The following SMG1 variants were observed in gnomAD, a reference collection of about 807,000 sequenced individuals.
The protein encoded by SMG1 is SMG1 nonsense mediated mRNA decay associated PI3K related kinase.
SMG1 carries 22 observed loss-of-function variants against 419.9 expected under a neutral mutation model. The ratio of observed to expected loss-of-function variants is 0.05; its 90% CI spans 0.04 to 0.07. The LOEUF (loss-of-function observed/expected upper bound fraction) is 0.07. Among genes scored for constraint, SMG1 ranks in the 10% least tolerant of loss-of-function variants. The pLI is 1.00. For missense variants in SMG1, 3,185 were observed against 4,342.0 expected, an observed-to-expected ratio of 0.73 and a Z score of 7.49; for synonymous variants, 1,538 against 1,553.5, an observed-to-expected ratio of 0.99 and a Z score of 0.23.
intron 1 of SMG1, among the ~76,000 whole-genome samples, chr16:18,917,615 TTGCCCAAGCTGGAG>T (rs2038028304): frequency 6.6e-6 from 1 of 151,844 alleles, no homozygotes; most frequent in Non-Finnish European, 1.5e-5. Flanking sequence ...CTTGCTCTTG[TTGCCCAAGCTGGAG>T]TGCAACGGCG....
chr16:18,835,765 T>C lies in SMG1; in HGVS notation c.8057+168A>G, dbSNP rs75847523. ...CTAAAAAGACAAAAATTAGCCGGGC[T>C]TGGTGGTGTTGTAGTCCCAGCTACT... On this transcript the variant is annotated intron_variant, in intron 48 of 62. Coordinates refer to ENST00000446231, the MANE Select transcript of SMG1 (RefSeq NM_015092.5). 2.5e-3 allele frequency among the ~76,000 whole-genome samples: 377 copies of C among 152,096 alleles called. 9 individuals carry two copies. The East Asian group carries it at 0.042, about 17-fold the overall frequency.
chr16:18,834,687 T>C (rs1289247914), intron 49 of SMG1, among the ~76,000 whole-genome samples: 1 of 152,100 alleles, frequency 6.6e-6, no homozygotes, highest in Non-Finnish European at 1.5e-5. Flanking sequence ...CTGAGGTTGC[T>C]GTGAGCCGAG....
At position 18,876,380 on chromosome 16, in the gene SMG1, G is replaced by A; in HGVS notation, c.1634C>T (p.Ala545Val). Residue 545 changes from alanine to valine, a missense_variant, in exon 13 of 63, where the codon GCC (alanine) becomes GTC (valine). Ala to Val is a moderately conservative substitution (Grantham distance 64). Around this residue, in one of 27 missense-constraint regions of SMG1, gnomAD observed 297 missense variants for 491.0 expected, o/e 0.60. Coordinates refer to ENST00000446231, the MANE Select transcript of SMG1 (RefSeq NM_015092.5). Reference sequence around the variant, plus strand: ...GAGCACTGCTTGATAAACAGCATGGGCTACAGCAACAACCTGAAAAACAAA... The same window carrying A: ...GAGCACTGCTTGATAAACAGCATGGACTACAGCAACAACCTGAAAAACAAA... Reference protein sequence around the residue: ...YHKEKEVVAVAHAVYQAVLSL... With the variant: ...YHKEKEVVAVVHAVYQAVLSL... The A allele has an allele frequency of 6.2e-7, 1 of 1,608,306 alleles. No individual in the cohort carries two copies.
At chr16:18,907,074 A>T (rs946627798) in intron 1 of SMG1, among the ~76,000 whole-genome samples, 1 of 152,174 alleles carries the variant, frequency 6.6e-6, no homozygotes, top group Non-Finnish European at 1.5e-5. Flanking sequence ...ACTTGAGGTC[A>T]GGAGTTCAAG....
chr16:18,852,473 G>T lies in SMG1; in HGVS notation c.4769-11C>A, dbSNP rs747488511. 6 of 1,493,138 alleles carry T rather than the reference G, an allele frequency of 4.0e-6. No individual in the cohort carries two copies. The highest frequency in any genetic ancestry group is 5.4e-6 in the Non-Finnish European group (6 of 1,118,488). The allele number at this position is 1,493,138 out of a possible 1,614,324, so 92.5% of individuals were successfully genotyped here. A position where few individuals can be genotyped will look rare whatever the true frequency, so the allele number is the denominator to read the frequency against. On this transcript the variant is annotated splice_polypyrimidine_tract_variant and intron_variant, in intron 31 of 62. Transcript: ENST00000446231. ...CAACTCCAATATGCACTGCCAAAATGGACAAAAAAATAATTATAATAAAAG... is the reference window on the plus strand; with the variant it reads ...CAACTCCAATATGCACTGCCAAAATTGACAAAAAAATAATTATAATAAAAG...
chr16:18,811,788 C>A lies in SMG1; in HGVS notation c.10881G>T (p.Pro3627=), dbSNP rs370585828. The A allele has an allele frequency of 1.9e-6, 3 of 1,613,854 alleles. No individual in the cohort carries two copies. The African/African-American group carries it at 4.0e-5, about 22-fold the overall frequency. ...KAKLEGRDVD[P]NRRMSVAEQV... is the part of the protein sequence containing the mutation. ...GTTCAGCAACTGACATCCTCCTATT[C>A]GGATCAACATCTCGGCCCTCTAACT... The change falls in exon 62 of 63, where the codon CCG becomes CCT. Residue 3627 remains proline (P), a synonymous_variant. Coordinates refer to ENST00000446231, the MANE Select transcript of SMG1 (RefSeq NM_015092.5).
At chr16:18,875,605 A>C (rs2036083855) in intron 13 of SMG1, 1 of 154,036 alleles carries the variant, frequency 6.5e-6, no homozygotes, top group Non-Finnish European at 1.4e-5. Flanking sequence ...AAAAAAAAAA[A>C]AAGTATTCCA....
In SMG1 at chr16:18,863,736, C is replaced by A. The variant is rs747362620; in HGVS notation, c.3609G>T (p.Val1203=). The A allele has an allele frequency of 8.2e-6, 13 of 1,585,892 alleles. No homozygotes were observed. The highest frequency in any genetic ancestry group is 1.7e-5 in the Admixed American group (1 of 59,946). The change falls in exon 25 of 63, where the codon GTG becomes GTT. Residue 1203 remains valine (V), a synonymous_variant. Transcript: ENST00000446231. ...CYISIADWAA[V]QEWQNAIHDL... is the part of the protein sequence containing the mutation. ...CATGGATAGCGTTCTGCCATTCCTG[C>A]ACAGCAGCCCAATCGGCAATTGAGA...
intron 37 of SMG1, 62 bp downstream of exon 37, chr16:18,847,754 G>A: frequency 6.3e-7 from 1 of 1,582,608 alleles, no homozygotes; most frequent in Admixed American, 1.7e-5. Context: ...AATACAGATT[G>A]GCAAAAGCAA....
rs1340564326 is a variant in SMG1 at position 18,906,495 on chromosome 16, G to C, written c.93-9539C>G. Among the ~76,000 whole-genome samples the C allele has an allele frequency of 2.6e-5, 4 of 152,078 alleles. No individual in the cohort carries two copies. The East Asian group carries it at 7.7e-4, about 29-fold the overall frequency. On this transcript the variant is annotated intron_variant, in intron 1 of 62. Transcript: ENST00000446231. ...AAGAGCGAAACTCCGTCTCGGGGTG[G>C]GGTGGGGAAGATACCATAAAATACC...
intron 29 of SMG1, among the ~76,000 whole-genome samples, chr16:18,856,099 A>G (rs2034885033): frequency 6.6e-6 from 1 of 152,150 alleles, no homozygotes; most frequent in Non-Finnish European, 1.5e-5. Flanking sequence ...CTCAGCTTAA[A>G]TGTTACTTCC....
rs2035284759 is a variant in SMG1, at chr16:18,862,832, AG to A, written c.3695+817del. ...CTGTTTAAGGCACTCCTAAACACAGAGGCCTCCCAGCTATTTCCAGAATACT... is the reference window on the plus strand; with the variant it reads ...CTGTTTAAGGCACTCCTAAACACAGAGCCTCCCAGCTATTTCCAGAATACT... On this transcript the variant is annotated intron_variant, in intron 25 of 62. Transcript: ENST00000446231. Among the ~76,000 whole-genome samples, 7 of 152,332 alleles carry A rather than the reference AG, an allele frequency of 4.6e-5. No individual in the cohort carries two copies. In the South Asian group the frequency reaches 1.5e-3, roughly 32 times the overall value.
intron 1 of SMG1, among the ~76,000 whole-genome samples, chr16:18,916,660 T>C (rs894677854): frequency 1.3e-5 from 2 of 151,014 alleles, no homozygotes; most frequent in African/African-American, 4.9e-5. Flanking sequence ...TTCCCATACA[T>C]ATGAAACCAC....
chr16:18,869,363 A>C, intron 19 of SMG1, 60 bp from the exon 20 acceptor site: 1 of 1,407,152 alleles, frequency 7.1e-7, no homozygotes, highest in Non-Finnish European at 9.7e-7. Flanking sequence ...TAATGAAAAA[A>C]AAAATGCAAG....
At chr16:18,892,575 T>C (rs2036932067) in intron 3 of SMG1, among the ~76,000 whole-genome samples, 1 of 151,898 alleles carries the variant, frequency 6.6e-6, no homozygotes, top group African/African-American at 2.4e-5. Context: ...ATACAAAAAA[T>C]TACATAAACT....
At chr16:18,859,764 T>C in intron 26 of SMG1, 61 bp from the exon 27 acceptor site, 1 of 1,401,266 alleles carries the variant, frequency 7.1e-7, no homozygotes, top group Non-Finnish European at 9.7e-7. Flanking sequence ...TTTTGATTTA[T>C]GTTTGGCATT....
Position 18,852,476 on chromosome 16 carries a change from C to G in SMG1, c.4769-14G>C, listed in dbSNP as rs755233591. ...CTCCAATATGCACTGCCAAAATGGA[C>G]AAAAAAATAATTATAATAAAAGAAC... is the stretch of plus-strand genomic sequence containing the variant. On this transcript the variant is annotated splice_polypyrimidine_tract_variant and intron_variant, in intron 31 of 62. Coordinates refer to ENST00000446231, the MANE Select transcript of SMG1 (RefSeq NM_015092.5). 2.5e-5 allele frequency: 38 copies of G among 1,491,942 alleles called. No homozygotes were observed. Among genetic ancestry groups the G allele is most frequent in the South Asian group, 1.6e-4 (12 of 74,094 alleles). The allele number at this position is 1,491,942 out of a possible 1,614,324, so 92.4% of individuals were successfully genotyped here.
chr16:18,817,171 C>A (rs1037452614), intron 57 of SMG1, 120 bp downstream of exon 57: 2 of 776,748 alleles, frequency 2.6e-6, no homozygotes, highest in Non-Finnish European at 3.6e-6. Flanking sequence ...CCCCGCCCCC[C>A]TAACAACCTC....
chr16:18,855,796 C>G (rs190500729), intron 29 of SMG1, among the ~76,000 whole-genome samples: 41 of 152,174 alleles, frequency 2.7e-4, no homozygotes, highest in African/African-American at 9.9e-4. Flanking sequence ...AATCCATTTT[C>G]CAACTTGCAA....
Sources: allele counts gnomAD v4.1 joint callset (sites outside exome capture counted in the v4.1 genomes callset), GRCh38; gene constraint gnomAD v4.1.1; regional missense constraint gnomAD v4.1.1; transcripts MANE v1.5; gene names NCBI Gene and HGNC (gene_info 2026-07-23, HGNC 2026-07-21).